The following KIF1B variants were observed in gnomAD, a reference collection of about 807,000 sequenced individuals.
KIF1B encodes kinesin-like protein KIF1B.
KIF1B carries 76 observed loss-of-function variants against 241.9 expected under a neutral mutation model. That is an observed-to-expected ratio of 0.31 (90% CI 0.26 to 0.38). The LOEUF is 0.38. Ranked by LOEUF, KIF1B falls within the 10% of genes least tolerant of loss-of-function variation. KIF1B has a pLI of 1.00. For missense variants in KIF1B, 1,622 were observed against 2,271.4 expected (o/e 0.71, Z 5.81); for synonymous variants, 750 against 796.7 (o/e 0.94, Z 0.99).
chr1:10,310,307 T>C (rs559761857), intron 22 of KIF1B, among the ~76,000 whole-genome samples: 48 of 151,522 alleles, frequency 3.2e-4, no homozygotes, highest in Non-Finnish European at 5.6e-4. Context: ...TTTGCATACC[T>C]CATAAATTCC....
intron 13 of KIF1B, chr1:10,278,507 T>C (rs1166226900): frequency 7.7e-6 from 2 of 261,172 alleles, no homozygotes; most frequent in African/African-American, 4.6e-5. Context: ...TTTTGTTTCA[T>C]GGGTTGCTCT....
chr1:10,217,873 C>T (rs142005859), intron 1 of KIF1B, among the ~76,000 whole-genome samples: 5 of 152,210 alleles, frequency 3.3e-5, no homozygotes, highest in African/African-American at 1.2e-4. Flanking sequence ...CCTCTCCCTA[C>T]TAGAATGTAA....
intron 15 of KIF1B, 100 bp downstream of exon 15, chr1:10,282,633 A>T: frequency 1.0e-6 from 1 of 957,100 alleles, no homozygotes; most frequent in Admixed American, 1.8e-5. Flanking sequence ...CATATGGAGA[A>T]CTCTTTGACT....
chr1:10,216,895 C>A (rs12032050), intron 1 of KIF1B, among the ~76,000 whole-genome samples: 1 of 145,746 alleles, frequency 6.9e-6, no homozygotes, highest in African/African-American at 2.5e-5. Context: ...TAGCACTGTT[C>A]TAATCTGTAG....
At chr1:10,311,986 C>T (rs888528277) in intron 22 of KIF1B, among the ~76,000 whole-genome samples, 2 of 151,430 alleles carry the variant, frequency 1.3e-5, no homozygotes, top group African/African-American at 4.9e-5. Flanking sequence ...CCCAGTGTAA[C>T]ACGGCTACTC....
chr1:10,272,265 C>T lies in KIF1B; in HGVS notation c.823C>T (p.Leu275Phe), dbSNP rs1391411655. The T allele has an allele frequency of 6.2e-7, 1 of 1,605,820 alleles. No homozygotes were observed. Among genetic ancestry groups the T allele is most frequent in the Admixed American group, 1.7e-5 (1 of 60,010 alleles). The change falls in exon 9 of 49, where the codon CTT (leucine) becomes TTT (phenylalanine). Residue 275 changes from leucine to phenylalanine, a missense_variant. Transcript: ENST00000676179. ...GGAAGGAGCAAATATTAATAAGTCT[C>T]TTACAACTTTGGGCAAAGTCATTTC... ...LKEGANINKSLTTLGKVISAL... is the reference protein window; with the variant it reads ...LKEGANINKSFTTLGKVISAL...
At chr1:10,253,292 A>G (rs1647572475) in intron 2 of KIF1B, among the ~76,000 whole-genome samples, 1 of 152,074 alleles carries the variant, frequency 6.6e-6, no homozygotes, top group African/African-American at 2.4e-5. Flanking sequence ...TGGTTTATCT[A>G]TCTGTAAAAT....
intron 4 of KIF1B, among the ~76,000 whole-genome samples, chr1:10,258,979 T>A (rs1303081057): frequency 2.0e-5 from 3 of 152,216 alleles, no homozygotes; most frequent in Non-Finnish European, 4.4e-5. Flanking sequence ...TTCTAAGTCC[T>A]GGAGATGGGG....
At position 10,376,959 on chromosome 1, in the gene KIF1B, C is replaced by T. The variant is rs1638908429; in HGVS notation, c.*372C>T. The T allele has an allele frequency of 2.6e-6, 1 of 389,452 alleles. No homozygotes were observed. Among genetic ancestry groups the T allele is most frequent in the Non-Finnish European group, 4.9e-6 (1 of 205,472 alleles). The allele number at this position is 389,452 out of a possible 1,614,324, so 24.1% of individuals were successfully genotyped here. On this transcript the variant is annotated 3_prime_UTR_variant, in exon 49 of 49. Coordinates refer to ENST00000676179, the MANE Select transcript of KIF1B (RefSeq NM_001365951.3). ...TTGGCTTCCTTTTGTATGATAGGTC[C>T]CCATCATGACCACCTCTGATGTCTG...
intron 1 of KIF1B, among the ~76,000 whole-genome samples, chr1:10,224,442 T>C (rs1646885640): frequency 6.6e-6 from 1 of 151,980 alleles, no homozygotes; most frequent in Non-Finnish European, 1.5e-5. Flanking sequence ...TTTTTTGAGA[T>C]GTTGTTGGCT....
rs151026584 is a variant in KIF1B, at chr1:10,267,572, T to G, written c.608+14T>G. 3.5e-5 allele frequency: 57 copies of G among 1,613,622 alleles called. No individual in the cohort carries two copies. The African/African-American group carries it at 6.5e-4, about 18-fold the overall frequency. ...GAACAAAGCCAGGTATGGTAGGAAA[T>G]AGAGTAATGACTGAGGTCTTTGGCA... On this transcript the variant is annotated intron_variant, in intron 6 of 48. Coordinates refer to ENST00000676179, the MANE Select transcript of KIF1B (RefSeq NM_001365951.3).
chr1:10,292,012 G>T lies in KIF1B; in HGVS notation c.1515-35G>T, dbSNP rs769136200. ...TTAGACTGATTTAATTGACATTTTGGTATTAGTGTTCTGATATACCTGTTT... is the reference window on the plus strand; with the variant it reads ...TTAGACTGATTTAATTGACATTTTGTTATTAGTGTTCTGATATACCTGTTT... On this transcript the variant is annotated intron_variant, in intron 16 of 48. Transcript: ENST00000676179. 6 of 1,548,424 alleles carry T rather than the reference G, an allele frequency of 3.9e-6. No homozygotes were observed. In the African/African-American group the frequency reaches 6.8e-5, roughly 18 times the overall value.
intron 27 of KIF1B, among the ~76,000 whole-genome samples, chr1:10,330,694 T>C (rs1393387509): frequency 2.0e-5 from 3 of 152,196 alleles, no homozygotes; most frequent in Non-Finnish European, 4.4e-5. Flanking sequence ...GGCAAATCAT[T>C]TTCCTGTTCC....
chr1:10,230,025 A>G (rs140478005), intron 1 of KIF1B, among the ~76,000 whole-genome samples: 94 of 152,172 alleles, frequency 6.2e-4, no homozygotes, highest in Non-Finnish European at 1.1e-3. Flanking sequence ...AAAATAAAAT[A>G]TTAGTTGGGT....
At chr1:10,263,410 G>T (rs1360569021) in intron 5 of KIF1B, among the ~76,000 whole-genome samples, 1 of 151,322 alleles carries the variant, frequency 6.6e-6, no homozygotes, top group Non-Finnish European at 1.5e-5. Flanking sequence ...TTATTAAAGT[G>T]TTCTGTTACC....
At chr1:10,343,154 G>A in intron 33 of KIF1B, 78 bp from the exon 34 acceptor site, 1 of 1,444,108 alleles carries the variant, frequency 6.9e-7, no homozygotes. Flanking sequence ...AATTCAATTT[G>A]CAGTCCAGCA....
intron 15 of KIF1B, among the ~76,000 whole-genome samples, chr1:10,287,272 G>C (rs1386242581): frequency 6.6e-6 from 1 of 152,142 alleles, no homozygotes; most frequent in African/African-American, 2.4e-5. Context: ...TCTTGGCTCA[G>C]TGCAACCTCT....
chr1:10,326,428 C>A lies in KIF1B; in HGVS notation c.2924+69C>A, dbSNP rs557835169. On this transcript the variant is annotated intron_variant, in intron 27 of 48. Transcript: ENST00000676179. This position sits in a 1 kb window ranked among gnomAD's most constrained non-coding sequence, Gnocchi z 5.2. ...TGCTCTGAAGGCCTCCCTGCTTGCA[C>A]AATTTTGGATAACCTTGCATTAGCC... 14 of 1,602,776 alleles carry A rather than the reference C, an allele frequency of 8.7e-6. No homozygotes were observed. The African/African-American group carries it at 1.6e-4, about 18-fold the overall frequency.
At chr1:10,243,761 T>A (rs1647170000) in intron 2 of KIF1B, among the ~76,000 whole-genome samples, 1 of 152,358 alleles carries the variant, frequency 6.6e-6, no homozygotes, top group South Asian at 2.1e-4. Flanking sequence ...TATGCTTAAT[T>A]TGAATTTAAC....
Sources: gnomAD v4.1 joint callset for allele counts (sites outside exome capture counted in the v4.1 genomes callset) on GRCh38, gnomAD v4.1.1 for gene constraint, Gnocchi (gnomAD v3.1) non-coding constraint, MANE v1.5 for transcripts, NCBI Gene and HGNC (gene_info 2026-07-23, HGNC 2026-07-21) for gene names.